The following EXOSC9 variants were observed in gnomAD, a reference collection of about 807,000 sequenced individuals.
EXOSC9 encodes the protein exosome component 9.
Under a neutral mutation model 56.5 loss-of-function variants are expected in EXOSC9, and 38 were observed. The observed-to-expected ratio is 0.67, with a 90% CI of 0.52 to 0.88. The LOEUF (loss-of-function observed/expected upper bound fraction) is 0.88. Among genes scored for constraint, EXOSC9 ranks in the 40% least tolerant of loss-of-function variants. The probability of loss-of-function intolerance (pLI) is 0.00; values close to 1 mark genes in which losing one functional copy is unlikely to be tolerated. For synonymous variants in EXOSC9, 170 were observed against 170.8 expected, an observed-to-expected ratio of 0.99 and a Z score of 0.04; for missense variants, 559 against 530.5, an observed-to-expected ratio of 1.05 and a Z score of -0.53.
In EXOSC9 at chr4:121,804,759, G is replaced by T. The variant is rs1009270887; in HGVS notation, c.522G>T (p.Leu174=). 1 of 1,602,994 alleles carries T rather than the reference G, an allele frequency of 6.2e-7. No individual in the cohort carries two copies. The highest frequency in any genetic ancestry group is 1.3e-5 in the African/African-American group (1 of 74,792). Reference sequence around the variant, plus strand: ...CTGTCCAAGGAGATGAAGTAACACTGGTAAGCTCCTATGTGAACCAGGATC... The same window carrying T: ...CTGTCCAAGGAGATGAAGTAACACTTGTAAGCTCCTATGTGAACCAGGATC... The part of the protein sequence containing the change: ...DVSVQGDEVT[L]YTPEERDPVP... The change falls in exon 5 of 12, where the codon CTG becomes CTT. Residue 174 remains leucine (L), a splice_region_variant and synonymous_variant. Coordinates refer to ENST00000243498, the MANE Select transcript of EXOSC9 (RefSeq NM_005033.3).
At position 121,816,348 on chromosome 4, in the gene EXOSC9, TA is replaced by T. The variant is rs771644322; in HGVS notation, c.1157-18del. The T allele has an allele frequency of 4.2e-5, 56 of 1,327,824 alleles. No individual in the cohort carries two copies. The highest frequency in any genetic ancestry group is 2.3e-4 in the East Asian group (9 of 39,180). 82.3% of individuals were successfully genotyped at this position (1,327,824 alleles called of 1,614,324 possible). On this transcript the variant is annotated intron_variant, in intron 10 of 11. Transcript: ENST00000243498. ...ATTGCTTAACTTTTTTTTTTTTTTT[TA>T]AATTAATAAAAAAACAAAGATGCTC... is the stretch of plus-strand genomic sequence containing the variant.
chr4:121,814,381 G>A (rs1419236039), intron 10 of EXOSC9: 2 of 157,774 alleles, frequency 1.3e-5, no homozygotes, highest in Admixed American at 1.3e-4. Context: ...TAGAGTAGTG[G>A]AACACTGGCA....
At chr4:121,801,580 G>C in intron 1 of EXOSC9, 90 bp downstream of exon 1, 1 of 1,235,626 alleles carries the variant, frequency 8.1e-7, no homozygotes, top group Non-Finnish European at 1.2e-6. Flanking sequence ...GGCCCGGGGA[G>C]CTACTAGGGG....
chr4:121,811,177 T>C (rs548320589), intron 7 of EXOSC9, among the ~76,000 whole-genome samples: 1 of 152,334 alleles, frequency 6.6e-6, no homozygotes, highest in Admixed American at 6.5e-5. Context: ...TATAAGGATA[T>C]AAATATATTG....
chr4:121,807,005 G>C (rs1187154854), intron 5 of EXOSC9, among the ~76,000 whole-genome samples: 1 of 152,144 alleles, frequency 6.6e-6, no homozygotes, highest in Non-Finnish European at 1.5e-5. Flanking sequence ...AAAATGAGTG[G>C]ATTTTGGCTG....
chr4:121,816,346 T>TTTAAA, intron 10 of EXOSC9, 23 bp from the exon 11 acceptor site: 1 of 1,354,738 alleles, frequency 7.4e-7, no homozygotes, highest in Non-Finnish European at 1.0e-6. Context: ...TTTTTTTTTT[T>TTTAAA]TTAAATTAAT....
chr4:121,804,820 C>G (rs1168315263), intron 5 of EXOSC9, 61 bp downstream of exon 5: 1 of 1,391,310 alleles, frequency 7.2e-7, no homozygotes, highest in South Asian at 1.7e-5. Context: ...CTTAAATGTG[C>G]AGGCAACTTG....
At chr4:121,816,477 A>C (rs1724513935) in intron 11 of EXOSC9, 30 bp downstream of exon 11, 2 of 1,348,054 alleles carry the variant, frequency 1.5e-6, no homozygotes, top group East Asian at 4.7e-5. Context: ...TTTCAAATGT[A>C]TACATATACT....
chr4:121,804,253 G>A (rs988567348), intron 4 of EXOSC9, among the ~76,000 whole-genome samples: 3 of 148,246 alleles, frequency 2.0e-5, no homozygotes, highest in African/African-American at 5.0e-5. Flanking sequence ...GGCTAAAGCA[G>A]TTCTGCCACC....
intron 7 of EXOSC9, among the ~76,000 whole-genome samples, chr4:121,811,198 A>G (rs2149037838): frequency 6.6e-6 from 1 of 152,104 alleles, no homozygotes; most frequent in East Asian, 2.0e-4. Context: ...CACAGTGTCT[A>G]GCACACATTT....
intron 5 of EXOSC9, among the ~76,000 whole-genome samples, chr4:121,805,391 T>C (rs1726989451): frequency 6.6e-6 from 1 of 152,222 alleles, no homozygotes; most frequent in Admixed American, 6.5e-5. Context: ...GTATGTCAGT[T>C]TTGATTTATA....
At chr4:121,803,305 ATATTT>A (rs1037241453) in intron 4 of EXOSC9, among the ~76,000 whole-genome samples, 15 of 152,100 alleles carry the variant, frequency 9.9e-5, no homozygotes, top group African/African-American at 3.4e-4. Flanking sequence ...TTGTGTAAAA[ATATTT>A]TATTCAAAGA....
chr4:121,809,016 G>T (rs181296067), intron 6 of EXOSC9, among the ~76,000 whole-genome samples: 20 of 147,138 alleles, frequency 1.4e-4, no homozygotes, highest in Admixed American at 5.5e-4. Context: ...TTTGTGACAG[G>T]GTCTCACTCT....
intron 11 of EXOSC9, 126 bp downstream of exon 11, chr4:121,816,573 A>G: frequency 1.2e-6 from 1 of 803,690 alleles, no homozygotes; most frequent in Non-Finnish European, 1.9e-6. Flanking sequence ...TTCATTAGAG[A>G]TCCATCTGTT....
chr4:121,812,480 A>G (rs542142097), intron 8 of EXOSC9, among the ~76,000 whole-genome samples: 5 of 152,264 alleles, frequency 3.3e-5, no homozygotes, highest in African/African-American at 4.8e-5. Flanking sequence ...GAAAAATCAT[A>G]TAAGATTTTT....
intron 1 of EXOSC9, 44 bp from the exon 2 acceptor site, chr4:121,801,783 T>C (rs774594865): frequency 2.6e-6 from 4 of 1,527,946 alleles, no homozygotes; most frequent in Admixed American, 3.3e-5. Context: ...GCTTAAGAAA[T>C]ACTTGTTGAA....
chr4:121,816,497 TAG>T (rs1464665310), intron 11 of EXOSC9, 50 bp downstream of exon 11: 2 of 1,208,430 alleles, frequency 1.7e-6, no homozygotes, highest in Non-Finnish European at 2.4e-6. Flanking sequence ...TCAACACTTA[TAG>T]AGGTTTGCTC....
At chr4:121,801,637 T>C in intron 1 of EXOSC9, 147 bp downstream of exon 1, 1 of 834,706 alleles carries the variant, frequency 1.2e-6, no homozygotes, top group South Asian at 1.5e-5. Flanking sequence ...TTTATTTTTT[T>C]TCGACAGGTT....
chr4:121,811,508 T>C, intron 7 of EXOSC9, 75 bp from the exon 8 acceptor site: 1 of 782,104 alleles, frequency 1.3e-6, no homozygotes, highest in Non-Finnish European at 2.0e-6. Flanking sequence ...TAGAAAAATT[T>C]CATGGTTTTA....
Sources: allele counts gnomAD v4.1 joint callset (sites outside exome capture counted in the v4.1 genomes callset), GRCh38; gene constraint gnomAD v4.1.1; transcripts MANE v1.5; gene names NCBI Gene and HGNC (gene_info 2026-07-23, HGNC 2026-07-21).